Variants in SCFD2 observed in about 807,000 individuals in gnomAD.
SCFD2 encodes the protein sec1 family domain-containing protein 2.
In SCFD2, 54 loss-of-function variants were observed where a neutral mutation model predicts 58.9. The observed-to-expected ratio is 0.92, with a 90% confidence interval of 0.74 to 1.15. SCFD2 has a LOEUF of 1.15. Among genes scored for constraint, SCFD2 ranks in the 50% most tolerant of loss-of-function variants. The probability of loss-of-function intolerance (pLI) is 0.00; values close to 1 mark genes in which losing one functional copy is unlikely to be tolerated. For missense variants in SCFD2, 805 were observed against 836.6 expected, an observed-to-expected ratio of 0.96 and a Z score of 0.47; for synonymous variants, 321 against 335.9, an observed-to-expected ratio of 0.96 and a Z score of 0.49.
chr4:53,270,247 G>C (rs1191540892), intron 4 of SCFD2, among the ~76,000 whole-genome samples: 2 of 151,958 alleles, frequency 1.3e-5, no homozygotes, highest in Non-Finnish European at 2.9e-5. Context: ...CACATTAACA[G>C]ATTAAGGGAG....
At chr4:53,138,836 A>G (rs1450178509) in intron 5 of SCFD2, among the ~76,000 whole-genome samples, 5 of 152,100 alleles carry the variant, frequency 3.3e-5, no homozygotes, top group Non-Finnish European at 5.9e-5. Context: ...CATATTTAAC[A>G]GATGAAAGAA....
chr4:53,271,499 G>A (rs1346954461), intron 4 of SCFD2, among the ~76,000 whole-genome samples: 1 of 150,580 alleles, frequency 6.6e-6, no homozygotes, highest in African/African-American at 2.4e-5. Flanking sequence ...GTCTCCCTCT[G>A]TCACCCAGGC....
intron 2 of SCFD2, among the ~76,000 whole-genome samples, chr4:53,327,939 G>T (rs181747373): frequency 3.5e-3 from 527 of 152,070 alleles, no homozygotes; most frequent in African/African-American, 0.012. Context: ...GACAATCCTG[G>T]CTAACACAGT....
At chr4:52,914,883 A>G (rs954442417) in intron 6 of SCFD2, among the ~76,000 whole-genome samples, 4 of 152,190 alleles carry the variant, frequency 2.6e-5, no homozygotes, top group African/African-American at 9.7e-5. Flanking sequence ...ATAGCTTGGT[A>G]GAGCTTAAAG....
At chr4:53,267,412 A>ATCT (rs1211091051) in intron 4 of SCFD2, among the ~76,000 whole-genome samples, 3 of 152,210 alleles carry the variant, frequency 2.0e-5, no homozygotes, top group Non-Finnish European at 2.9e-5. Flanking sequence ...TCCATAAACA[A>ATCT]AGAGCATTCC....
intron 4 of SCFD2, among the ~76,000 whole-genome samples, chr4:53,173,548 T>C (rs1256476424): frequency 6.6e-6 from 1 of 152,188 alleles, no homozygotes; most frequent in African/African-American, 2.4e-5. Context: ...ATCCTGTTTC[T>C]TTTTATTGGA....
chr4:53,258,817 T>C (rs1730739780), intron 4 of SCFD2, among the ~76,000 whole-genome samples: 1 of 152,018 alleles, frequency 6.6e-6, no homozygotes, highest in African/African-American at 2.4e-5. Flanking sequence ...TTTTTTATAG[T>C]GGTTGTACTA....
At chr4:53,122,309 G>A (rs1725500807) in intron 5 of SCFD2, among the ~76,000 whole-genome samples, 2 of 152,166 alleles carry the variant, frequency 1.3e-5, no homozygotes, top group Admixed American at 6.5e-5. Flanking sequence ...CTCAGGAGGT[G>A]AAGGTTGCAG....
At chr4:52,965,152 G>A (rs140604287) in intron 5 of SCFD2, among the ~76,000 whole-genome samples, 5 of 152,252 alleles carry the variant, frequency 3.3e-5, no homozygotes, top group East Asian at 1.9e-4. Context: ...GTCAGATTTC[G>A]TGTTATTTCT....
intron 5 of SCFD2, among the ~76,000 whole-genome samples, chr4:53,011,296 T>C (rs1722088744): frequency 6.6e-6 from 1 of 152,184 alleles, no homozygotes. Context: ...CCTTTAATAA[T>C]ACCAGTAAAT....
At position 53,217,452 on chromosome 4, in the gene SCFD2, T is replaced by C. The variant is rs185572308; in HGVS notation, c.1311+56374A>G. Reference sequence around the variant, plus strand: ...GGCTTAAAGTCTGTTTTATCAGAGATTAGGATTGCAACCCCTGCCTTTTTT... The same window carrying C: ...GGCTTAAAGTCTGTTTTATCAGAGACTAGGATTGCAACCCCTGCCTTTTTT... On this transcript the variant is annotated intron_variant, in intron 4 of 8. Transcript: ENST00000401642. Among the ~76,000 whole-genome samples, 432 of 152,272 alleles carry C rather than the reference T, an allele frequency of 2.8e-3. 2 individuals carry two copies. Among genetic ancestry groups the C allele is most frequent in the African/African-American group, 9.8e-3 (408 of 41,552 alleles).
chr4:53,128,080 A>G (rs1725685484), intron 5 of SCFD2, among the ~76,000 whole-genome samples: 1 of 150,114 alleles, frequency 6.7e-6, no homozygotes, highest in South Asian at 2.1e-4. Context: ...GCCAATAAAA[A>G]ATCTAATATA....
chr4:52,884,457 T>C (rs1718687974), intron 8 of SCFD2, among the ~76,000 whole-genome samples: 1 of 152,146 alleles, frequency 6.6e-6, no homozygotes, highest in African/African-American at 2.4e-5. Flanking sequence ...ACCTCTGGCA[T>C]GACAATTCTG....
chr4:52,893,163 T>C (rs1018791879), intron 7 of SCFD2, among the ~76,000 whole-genome samples: 2 of 152,194 alleles, frequency 1.3e-5, no homozygotes, highest in Non-Finnish European at 2.9e-5. Context: ...CCTAATCCAA[T>C]AGTTCAACCC....
At position 53,273,611 on chromosome 4, in the gene SCFD2, T is replaced by C. The variant is rs373683618; in HGVS notation, c.1311+215A>G. 1.6e-5 allele frequency: 7 copies of C among 443,462 alleles called. No homozygotes were observed. In the East Asian group the frequency reaches 1.9e-4, roughly 12 times the overall value. The allele number at this position is 443,462 out of a possible 1,614,324, so 27.5% of individuals were successfully genotyped here. A position where few individuals can be genotyped will look rare whatever the true frequency, so the allele number is the denominator to read the frequency against. On this transcript the variant is annotated intron_variant, in intron 4 of 8. Coordinates refer to ENST00000401642, the MANE Select transcript of SCFD2 (RefSeq NM_152540.4). ...CTCAAAAAACATCCTTGGTATTAAA[T>C]GAGAAGCCAAAGATGTTACTGTCAA...
chr4:53,223,997 G>T (rs1329771495), intron 4 of SCFD2, among the ~76,000 whole-genome samples: 2 of 152,208 alleles, frequency 1.3e-5, no homozygotes, highest in East Asian at 3.9e-4. Context: ...CTTGGGAGGT[G>T]CAGTCTAATT....
At chr4:53,180,436 A>T (rs1727509154) in intron 4 of SCFD2, among the ~76,000 whole-genome samples, 2 of 152,202 alleles carry the variant, frequency 1.3e-5, no homozygotes, top group South Asian at 2.1e-4. Flanking sequence ...AGAAATAAAG[A>T]TGTTCTTTGA....
intron 2 of SCFD2, among the ~76,000 whole-genome samples, chr4:53,326,394 C>CA (rs1733199920): frequency 6.6e-6 from 1 of 152,302 alleles, no homozygotes; most frequent in African/African-American, 2.4e-5. Context: ...CCACCTGCCT[C>CA]AGCCTCTCAA....
intron 2 of SCFD2, among the ~76,000 whole-genome samples, chr4:53,341,538 A>G (rs968763590): frequency 4.6e-5 from 7 of 152,218 alleles, no homozygotes; most frequent in Non-Finnish European, 8.8e-5. Flanking sequence ...ACTCTGCAGG[A>G]TATTTTCCAG....
Sources: allele counts gnomAD v4.1 joint callset (sites outside exome capture counted in the v4.1 genomes callset), GRCh38; gene constraint gnomAD v4.1.1; transcripts MANE v1.5; gene names NCBI Gene and HGNC (gene_info 2026-07-23, HGNC 2026-07-21).